The following MDN1 variants were observed in gnomAD, a reference collection of about 807,000 sequenced individuals.
MDN1 encodes the protein midasin AAA ATPase 1, also known as midasin.
MDN1 carries 266 observed loss-of-function variants against 669.2 expected under a neutral mutation model. That is an observed-to-expected ratio of 0.40 (90% CI 0.36 to 0.44). The LOEUF is 0.44. Ranked by LOEUF, MDN1 falls within the 20% of genes least tolerant of loss-of-function variation. The pLI is 1.00. For synonymous variants in MDN1, 2,385 were observed against 2,457.1 expected (o/e 0.97, Z 0.87); for missense variants, 5,940 against 6,754.0 (o/e 0.88, Z 4.22).
In MDN1 at chr6:89,747,444, A is replaced by C; in HGVS notation, c.3789T>G (p.Phe1263Leu). 6.2e-7 allele frequency: 1 copy of C among 1,614,082 alleles called. No individual in the cohort carries two copies. The highest frequency in any genetic ancestry group is 8.5e-7 in the Non-Finnish European group (1 of 1,180,006). Residue 1263 changes from phenylalanine (F) to leucine (L), a missense_variant, in exon 27 of 102, where the codon TTT (phenylalanine) becomes TTG (leucine). Phe to Leu is a conservative substitution (Grantham distance 22). Transcript: ENST00000369393. The stretch of plus-strand genomic sequence containing the variant: ...GGGTGATGAAGCCCTGCTTTCCAGC[A>C]AACACTGAAGAACTTCTGCGATAGG... The part of the protein sequence containing the change: ...LQSYRRSSSV[F>L]AGKQGFITLR...
intron 27 of MDN1, among the ~76,000 whole-genome samples, chr6:89,746,495 C>T (rs1279647761): frequency 6.6e-6 from 1 of 150,560 alleles, no homozygotes; most frequent in Non-Finnish European, 1.5e-5. Flanking sequence ...GGCAGGAGAA[C>T]TGCTTGAACC....
intron 1 of MDN1, among the ~76,000 whole-genome samples, chr6:89,810,131 C>T (rs574436579): frequency 3.7e-4 from 55 of 149,850 alleles, no homozygotes; most frequent in African/African-American, 7.9e-4. Flanking sequence ...CAAAATACCA[C>T]AAACTGACTT....
chr6:89,722,462 T>A (rs934131223), intron 40 of MDN1, among the ~76,000 whole-genome samples: 1 of 152,226 alleles, frequency 6.6e-6, no homozygotes, highest in Non-Finnish European at 1.5e-5. Flanking sequence ...AAGCAAATTA[T>A]GTCCTCTAAA....
rs931730055 is a variant in MDN1 at position 89,668,019 on chromosome 6, C to G, written c.14089G>C (p.Glu4697Gln). Residue 4697 changes from glutamate (E) to glutamine (Q), a missense_variant, in exon 84 of 102, where the codon GAA (glutamate) becomes CAA (glutamine). Transcript: ENST00000369393. ...KDVSDQIGNE[E>Q]QVEDTFQKGQ... The stretch of plus-strand genomic sequence containing the variant: ...ATACCTATGTGAAAACGTACCTGTT[C>G]TTCATTTCCGATCTGGTCACTCACA... 1.9e-6 allele frequency: 3 copies of G among 1,613,394 alleles called. No homozygotes were observed. Among genetic ancestry groups the G allele is most frequent in the Non-Finnish European group, 2.5e-6 (3 of 1,179,564 alleles).
intron 17 of MDN1, among the ~76,000 whole-genome samples, 188 bp downstream of exon 17, chr6:89,761,457 T>A (rs556634992): frequency 6.6e-6 from 1 of 152,320 alleles, no homozygotes; most frequent in Non-Finnish European, 1.5e-5. Flanking sequence ...ACTTTTAAAA[T>A]TTTTATTTAA....
At chr6:89,682,805 A>G (rs1445086347) in intron 73 of MDN1, among the ~76,000 whole-genome samples, 1 of 144,670 alleles carries the variant, frequency 6.9e-6, no homozygotes, top group Admixed American at 6.9e-5. Flanking sequence ...AAAAATAGCC[A>G]GGCATGGTGG....
At position 89,662,911 on chromosome 6, in the gene MDN1, C is replaced by T. The variant is rs1375682168; in HGVS notation, c.14293G>A (p.Asp4765Asn). 12 of 1,614,100 alleles carry T rather than the reference C, an allele frequency of 7.4e-6. No homozygotes were observed. Among genetic ancestry groups the T allele is most frequent in the Admixed American group, 6.7e-5 (4 of 60,020 alleles). Residue 4765 changes from aspartate to asparagine, a missense_variant, in exon 86 of 102, where the codon GAT (aspartate) becomes AAT (asparagine). Physicochemically the swap from Asp to Asn is conservative, Grantham distance 23. Transcript: ENST00000369393. ...TTGTCAGCTTCCTCACCATTGAGAT[C>T]GCCCATGTGTTTATCCAGGTCTCCG... is the stretch of plus-strand genomic sequence containing the variant. Reference protein sequence around the residue: ...EGGDLDKHMGDLNGEEADKLD... With the variant: ...EGGDLDKHMGNLNGEEADKLD...
intron 97 of MDN1, among the ~76,000 whole-genome samples, chr6:89,649,614 C>T (rs910967097): frequency 6.6e-6 from 1 of 152,134 alleles, no homozygotes; most frequent in African/African-American, 2.4e-5. Context: ...AGATACCTAC[C>T]TAAACTATCT....
At chr6:89,816,337 T>C (rs1343163010) in intron 1 of MDN1, among the ~76,000 whole-genome samples, 2 of 151,592 alleles carry the variant, frequency 1.3e-5, no homozygotes, top group Non-Finnish European at 1.5e-5. Flanking sequence ...GGGGCAGAGG[T>C]TGCAGTGAGT....
chr6:89,812,208 ACTCCTGAC>A (rs961666577), intron 1 of MDN1, among the ~76,000 whole-genome samples: 6 of 150,230 alleles, frequency 4.0e-5, no homozygotes, highest in African/African-American at 1.5e-4. Context: ...CTGGTCTCAA[ACTCCTGAC>A]CTCGTGATTC....
Position 89,670,922 on chromosome 6 carries a change from C to G in MDN1, c.13953G>C (p.Gln4651His). Residue 4651 changes from glutamine to histidine, a missense_variant, in exon 83 of 102, where the codon CAG (glutamine) becomes CAC (histidine). Physicochemically the swap from Gln to His is conservative, Grantham distance 24 (BLOSUM62 0). This residue lies in a region of MDN1 where 2,280 missense variants were observed against 2,576.3 expected (regional missense o/e 0.88). Transcript: ENST00000369393. Reference sequence around the variant, plus strand: ...GCACCATGTGAACAGTCCTTACCTTCTGGGCAAGCTCTGTAAAGACCTGGG... The same window carrying G: ...GCACCATGTGAACAGTCCTTACCTTGTGGGCAAGCTCTGTAAAGACCTGGG... ...VLAQVFTELAQKGFCLPKEFM... is the reference protein window; with the variant it reads ...VLAQVFTELAHKGFCLPKEFM... 1 of 1,614,044 alleles carries G rather than the reference C, an allele frequency of 6.2e-7. No homozygotes were observed. The highest frequency in any genetic ancestry group is 8.5e-7 in the Non-Finnish European group (1 of 1,179,942).
intron 84 of MDN1, among the ~76,000 whole-genome samples, chr6:89,667,556 A>G (rs922919714): frequency 6.6e-6 from 1 of 152,226 alleles, no homozygotes; most frequent in African/African-American, 2.4e-5. Context: ...GCATCTGAAT[A>G]GTTCAGAAGG....
At position 89,819,634 on chromosome 6, in the gene MDN1, C is replaced by T. The variant is rs1179599354; in HGVS notation, c.-27G>A. On this transcript the variant is annotated 5_prime_UTR_variant, in exon 1 of 102. Transcript: ENST00000369393. ...ACCCAGGGCCCTCACCCCGAGCGGC[C>T]ACCTGCGCTCCCTACTTCGCGGCCA... 6.3e-7 allele frequency: 1 copy of T among 1,584,194 alleles called. No individual in the cohort carries two copies. Among genetic ancestry groups the T allele is most frequent in the South Asian group, 1.1e-5 (1 of 90,776 alleles).
At position 89,780,196 on chromosome 6, in the gene MDN1, G is replaced by C; in HGVS notation, c.1725+16C>G. 1 of 1,460,608 alleles carries C rather than the reference G, an allele frequency of 6.8e-7. No homozygotes were observed. The highest frequency in any genetic ancestry group is 9.2e-7 in the Non-Finnish European group (1 of 1,083,436). The allele number at this position is 1,460,608 out of a possible 1,614,324, so 90.5% of individuals were successfully genotyped here. A position where few individuals can be genotyped will look rare whatever the true frequency, so the allele number is the denominator to read the frequency against. On this transcript the variant is annotated intron_variant, in intron 11 of 101. Transcript: ENST00000369393. ...TACAGAACCAAGACAAAAAAGACTG[G>C]AAAACTATATCTTACCTCTTGAAAA...
intron 78 of MDN1, among the ~76,000 whole-genome samples, chr6:89,675,030 T>C (rs1811087256): frequency 6.6e-6 from 1 of 152,240 alleles, no homozygotes; most frequent in African/African-American, 2.4e-5. Flanking sequence ...TGGCTCAGAT[T>C]GCCATCTGGG....
chr6:89,734,255 A>G (rs926488953), intron 33 of MDN1, among the ~76,000 whole-genome samples: 1 of 152,170 alleles, frequency 6.6e-6, no homozygotes, highest in Non-Finnish European at 1.5e-5. Context: ...ACTATACTCC[A>G]GCCTGGGTGA....
At chr6:89,656,893 C>T in intron 90 of MDN1, 92 bp from the exon 91 acceptor site, 1 of 1,065,186 alleles carries the variant, frequency 9.4e-7, no homozygotes, top group Non-Finnish European at 1.4e-6. Context: ...TCTCTCACTG[C>T]TGTCCTTTAT....
intron 15 of MDN1, among the ~76,000 whole-genome samples, chr6:89,764,248 G>T (rs887895179): frequency 2.1e-4 from 32 of 152,078 alleles, no homozygotes; most frequent in African/African-American, 7.0e-4. Context: ...CCTGCTATAC[G>T]TGTTAGCCAC....
chr6:89,716,618 G>A (rs893054874), intron 44 of MDN1, 32 bp downstream of exon 44: 1 of 1,574,068 alleles, frequency 6.4e-7, no homozygotes, highest in East Asian at 2.3e-5. Context: ...CAAATTTCAA[G>A]TTGGACCACT....
Sources: allele counts gnomAD v4.1 joint callset (sites outside exome capture counted in the v4.1 genomes callset), GRCh38; gene constraint gnomAD v4.1.1; regional missense constraint gnomAD v4.1.1; transcripts MANE v1.5; gene names NCBI Gene and HGNC (gene_info 2026-07-23, HGNC 2026-07-21).